The following DPY19L4 variants were observed in gnomAD, a reference collection of about 807,000 sequenced individuals.
The protein encoded by DPY19L4 is probable C-mannosyltransferase DPY19L4.
DPY19L4 carries 97 observed loss-of-function variants against 102.8 expected under a neutral mutation model. The ratio of observed to expected loss-of-function variants is 0.94; its 90% CI spans 0.80 to 1.12. The LOEUF is 1.12. Among genes scored for constraint, DPY19L4 ranks in the 50% most tolerant of loss-of-function variants. DPY19L4 has a pLI of 0.00. For missense variants in DPY19L4, 815 were observed against 850.4 expected (o/e 0.96, Z 0.52); for synonymous variants, 252 against 283.1 (o/e 0.89, Z 1.10).
chr8:94,777,610 A>T, intron 13 of DPY19L4, 56 bp from the exon 14 acceptor site: 1 of 1,543,788 alleles, frequency 6.5e-7, no homozygotes, highest in South Asian at 1.2e-5. Context: ...AACAAAAATT[A>T]GATAATAATG....
intron 9 of DPY19L4, among the ~76,000 whole-genome samples, 183 bp downstream of exon 9, chr8:94,765,497 A>G (rs988141293): frequency 6.6e-6 from 1 of 151,998 alleles, no homozygotes; most frequent in Non-Finnish European, 1.5e-5. Context: ...CACCACACCC[A>G]GCTAATTTTT....
chr8:94,788,644 CG>C (rs1813762438), intron 18 of DPY19L4, among the ~76,000 whole-genome samples: 1 of 79,330 alleles, frequency 1.3e-5, no homozygotes, highest in African/African-American at 4.2e-5. Flanking sequence ...CTGACGCACG[CG>C]CGCGCGCATG....
rs79186146 is a variant in DPY19L4, at chr8:94,734,674, G to A, written c.172G>A (p.Ala58Thr). 3 of 1,613,892 alleles carry A rather than the reference G, an allele frequency of 1.9e-6. No homozygotes were observed. In the Admixed American group the frequency reaches 5.0e-5, roughly 27 times the overall value. The change falls in exon 3 of 19, where the codon GCA (alanine) becomes ACA (threonine). Residue 58 changes from alanine to threonine, a missense_variant. Ala to Thr is a moderately conservative substitution (Grantham distance 58). Coordinates refer to ENST00000414645, the MANE Select transcript of DPY19L4 (RefSeq NM_181787.3). Reference protein sequence around the residue: ...RFAKIFIGCLAAVTSGMMYAL... With the variant: ...RFAKIFIGCLTAVTSGMMYAL... ...TGCAAAGATTTTCATTGGCTGTCTT[G>A]CAGCGGTTACTAGTGGTATGATGTA... is the stretch of plus-strand genomic sequence containing the variant.
intron 12 of DPY19L4, among the ~76,000 whole-genome samples, chr8:94,768,909 A>C (rs951066257): frequency 6.6e-5 from 10 of 151,076 alleles, no homozygotes; most frequent in Admixed American, 6.6e-5. Flanking sequence ...GCTACTCGGG[A>C]AGCTGAGGCA....
At chr8:94,770,984 A>T (rs1406924699) in intron 13 of DPY19L4, among the ~76,000 whole-genome samples, 7 of 149,854 alleles carry the variant, frequency 4.7e-5, no homozygotes. Context: ...GTGCAATCTC[A>T]GCTCACTTCA....
At chr8:94,745,479 C>T (rs1190333469) in intron 6 of DPY19L4, among the ~76,000 whole-genome samples, 2 of 152,090 alleles carry the variant, frequency 1.3e-5, no homozygotes, top group Non-Finnish European at 2.9e-5. Context: ...AGCAACTGTA[C>T]ATTGTAACAT....
rs1480436239 is a variant in DPY19L4 at position 94,791,044 on chromosome 8, C to T, written c.*1134C>T. 1 of 151,940 alleles carries T rather than the reference C, an allele frequency of 6.6e-6. No homozygotes were observed. Among genetic ancestry groups the T allele is most frequent in the Non-Finnish European group, 1.5e-5 (1 of 67,940 alleles). The allele number at this position is 151,940 out of a possible 1,614,324, so 9.4% of individuals were successfully genotyped here. ...AGAAAATTGTGAAAAGTTAATTTGG[C>T]CTTATAGAGAGATTCAGGATAGATG... On this transcript the variant is annotated 3_prime_UTR_variant, in exon 19 of 19. Transcript: ENST00000414645.
In DPY19L4 at chr8:94,792,530, G is replaced by A. The variant is rs1586441611; in HGVS notation, c.*2620G>A. On this transcript the variant is annotated 3_prime_UTR_variant, in exon 19 of 19. Coordinates refer to ENST00000414645, the MANE Select transcript of DPY19L4 (RefSeq NM_181787.3). The stretch of plus-strand genomic sequence containing the variant: ...CCCAAAGTGCTGGGATTACAGACGT[G>A]AGCCACTGCGCCCGGCGCAAGTCTT... 6.6e-6 allele frequency: 1 copy of A among 151,326 alleles called. No homozygotes were observed. The highest frequency in any genetic ancestry group is 2.4e-5 in the African/African-American group (1 of 41,348). The allele number at this position is 151,326 out of a possible 1,614,324, so 9.4% of individuals were successfully genotyped here. A position where few individuals can be genotyped will look rare whatever the true frequency, so the allele number is the denominator to read the frequency against.
In DPY19L4 at chr8:94,770,493, G is replaced by A. The variant is rs373704353; in HGVS notation, c.1376G>A (p.Arg459Gln). ...LKETVTLEDG[R>Q]IGERPEIIYH... The stretch of plus-strand genomic sequence containing the variant: ...GAAACTGTTACTCTTGAAGATGGAC[G>A]AATTGGAGAAAGACCAGAAATAATT... Residue 459 changes from arginine (R) to glutamine (Q), a missense_variant, in exon 13 of 19, where the codon CGA (arginine) becomes CAA (glutamine). Transcript: ENST00000414645. The A allele has an allele frequency of 4.3e-6, 7 of 1,613,656 alleles. No homozygotes were observed. Among genetic ancestry groups the A allele is most frequent in the Admixed American group, 1.7e-5 (1 of 59,950 alleles).
At chr8:94,721,226 G>A (rs933281397) in intron 1 of DPY19L4, among the ~76,000 whole-genome samples, 1 of 152,186 alleles carries the variant, frequency 6.6e-6, no homozygotes, top group Non-Finnish European at 1.5e-5. Flanking sequence ...GATTACAGGC[G>A]TGAGCCACGG....
intron 8 of DPY19L4, 140 bp from the exon 9 acceptor site, chr8:94,765,043 G>A (rs1225782772): frequency 2.9e-6 from 2 of 687,882 alleles, no homozygotes; most frequent in South Asian, 2.6e-5. Flanking sequence ...TAAAAATATT[G>A]ATTAAACATT....
At chr8:94,753,040 T>C (rs543782471) in intron 6 of DPY19L4, among the ~76,000 whole-genome samples, 132 of 152,182 alleles carry the variant, frequency 8.7e-4, no homozygotes, top group African/African-American at 3.1e-3. Context: ...AGTTTTACTT[T>C]CCTTTGCAAC....
intron 6 of DPY19L4, among the ~76,000 whole-genome samples, chr8:94,755,410 A>T (rs1254020649): frequency 6.6e-6 from 1 of 152,096 alleles, no homozygotes; most frequent in Non-Finnish European, 1.5e-5. Context: ...TGGGGCTGAA[A>T]TCTGGGGTAC....
At chr8:94,753,696 C>T (rs1218192022) in intron 6 of DPY19L4, among the ~76,000 whole-genome samples, 1 of 151,934 alleles carries the variant, frequency 6.6e-6, no homozygotes, top group Non-Finnish European at 1.5e-5. Flanking sequence ...CATAGTGAAA[C>T]CTCATCTCTA....
intron 6 of DPY19L4, among the ~76,000 whole-genome samples, chr8:94,743,091 A>G: frequency 6.6e-6 from 1 of 150,590 alleles, no homozygotes; most frequent in African/African-American, 2.4e-5. Flanking sequence ...GTAATGGCAC[A>G]ATCTCGGCTC....
rs1813249358 is a variant in DPY19L4, at chr8:94,777,722, CT to C, written c.1512del (p.Glu506AsnfsTer4). The C allele has an allele frequency of 6.2e-7, 1 of 1,614,042 alleles. No homozygotes were observed. The highest frequency in any genetic ancestry group is 8.5e-7 in the Non-Finnish European group (1 of 1,179,976). ...VCMLAAFGVCSPELWMTLFKW... is the reference protein window; with the variant it reads ...VCMLAAFGVCXPELWMTLFKW... ...ATGTTAGCAGCATTTGGTGTATGTT[CT>C]CCCGAACTTTGGATGACACTTTTCA... On this transcript the variant is annotated frameshift_variant, in exon 14 of 19. Transcript: ENST00000414645. LOFTEE classifies it high-confidence loss of function.
intron 6 of DPY19L4, among the ~76,000 whole-genome samples, chr8:94,740,238 G>A (rs1455452831): frequency 6.6e-6 from 1 of 152,116 alleles, no homozygotes; most frequent in Non-Finnish European, 1.5e-5. Flanking sequence ...TAATAAATTT[G>A]TGTTGTTTTA....
chr8:94,776,713 T>C (rs13282508), intron 13 of DPY19L4, among the ~76,000 whole-genome samples: 33,057 of 151,636 alleles, frequency 0.22, 4,829 homozygotes, highest in African/African-American at 0.41. Flanking sequence ...GCCTGTAATC[T>C]CAGCACTTTG....
intron 6 of DPY19L4, among the ~76,000 whole-genome samples, chr8:94,752,750 C>T (rs955196292): frequency 8.0e-5 from 12 of 150,644 alleles, no homozygotes; most frequent in African/African-American, 2.4e-4. Flanking sequence ...CTGCAAGCTC[C>T]GCCACCCCGG....
Sources: allele counts gnomAD v4.1 joint callset (sites outside exome capture counted in the v4.1 genomes callset), GRCh38; gene constraint gnomAD v4.1.1; transcripts MANE v1.5; gene names NCBI Gene and HGNC (gene_info 2026-07-23, HGNC 2026-07-21).